The following KATNA1 variants were observed in gnomAD, a reference collection of about 807,000 sequenced individuals.
KATNA1 encodes katanin catalytic subunit A1, also known as katanin p60 ATPase-containing subunit A1.
In KATNA1, 42 loss-of-function variants were observed where a neutral mutation model predicts 62.6. The observed-to-expected ratio is 0.67, with a 90% CI of 0.52 to 0.87. The LOEUF (loss-of-function observed/expected upper bound fraction) is 0.87, where lower values mean the gene tolerates loss of function less well. Ranked by LOEUF, KATNA1 falls within the 40% of genes least tolerant of loss-of-function variation. The pLI is 0.00. For synonymous variants in KATNA1, 186 were observed against 201.9 expected (o/e 0.92, Z 0.67); for missense variants, 498 against 612.5 (o/e 0.81, Z 1.97).
At chr6:149,610,359 G>A (rs1012659818) in intron 4 of KATNA1, among the ~76,000 whole-genome samples, 9 of 149,654 alleles carry the variant, frequency 6.0e-5, no homozygotes, top group African/African-American at 2.2e-4. Context: ...CAAAGGATCC[G>A]ACAGACATTT....
At chr6:149,631,970 G>A (rs937044993) in intron 3 of KATNA1, among the ~76,000 whole-genome samples, 2 of 152,048 alleles carry the variant, frequency 1.3e-5, no homozygotes, top group African/African-American at 2.4e-5. Flanking sequence ...GAATTAAAAA[G>A]CCAATTTTTT....
chr6:149,618,634 C>T (rs1028005600), intron 4 of KATNA1, among the ~76,000 whole-genome samples: 1 of 152,132 alleles, frequency 6.6e-6, no homozygotes, highest in Non-Finnish European at 1.5e-5. Context: ...TAAAAACAGA[C>T]ATACAGACCA....
chr6:149,613,381 G>A (rs1779043319), intron 4 of KATNA1, among the ~76,000 whole-genome samples: 1 of 151,486 alleles, frequency 6.6e-6, no homozygotes, highest in Non-Finnish European at 1.5e-5. Context: ...AATGCAATAA[G>A]GTAAGAAGAG....
intron 1 of KATNA1, among the ~76,000 whole-genome samples, chr6:149,645,871 G>A (rs1780466780): frequency 6.6e-6 from 1 of 151,806 alleles, no homozygotes; most frequent in African/African-American, 2.4e-5. Context: ...TCTCCACAGA[G>A]AAAGTTTTTT....
chr6:149,614,622 A>C (rs1582772799), intron 4 of KATNA1, among the ~76,000 whole-genome samples: 1 of 152,176 alleles, frequency 6.6e-6, no homozygotes, highest in East Asian at 1.9e-4. Context: ...AAAGATGAAA[A>C]CATCAGCCAA....
chr6:149,598,465 C>T, intron 7 of KATNA1, 115 bp from the exon 8 acceptor site: 1 of 981,170 alleles, frequency 1.0e-6, no homozygotes, highest in South Asian at 1.6e-5. Flanking sequence ...TGGCTCACAC[C>T]TGTAATCCCA....
At chr6:149,621,388 T>C (rs763301546) in intron 4 of KATNA1, among the ~76,000 whole-genome samples, 1 of 151,956 alleles carries the variant, frequency 6.6e-6, no homozygotes, top group African/African-American at 2.4e-5. Flanking sequence ...CCTCCCAAAG[T>C]GCTGGGATTA....
At chr6:149,598,043 G>A (rs1005979063) in intron 8 of KATNA1, 181 bp downstream of exon 8, 1 of 612,250 alleles carries the variant, frequency 1.6e-6, no homozygotes. Flanking sequence ...CACTGTCAGT[G>A]TACCAAATCT....
chr6:149,609,084 C>T, intron 4 of KATNA1, among the ~76,000 whole-genome samples: 1 of 152,198 alleles, frequency 6.6e-6, no homozygotes, highest in East Asian at 1.9e-4. Flanking sequence ...ACCAAAATGA[C>T]AGTGATGTTA....
chr6:149,619,786 T>C (rs1436623059), intron 4 of KATNA1, among the ~76,000 whole-genome samples: 1 of 152,182 alleles, frequency 6.6e-6, no homozygotes, highest in African/African-American at 2.4e-5. Context: ...GACATATTCA[T>C]TTCCCTTCCT....
In KATNA1 at chr6:149,595,228, C is replaced by T. The variant is rs750453853; in HGVS notation, c.1284G>A (p.Ala428=). Reference sequence around the variant, plus strand: ...TGCGCCTTCTCATTGCCATCAAGGACGCATCCCTAGGTTTTAAGTTAAAAA... The same window carrying T: ...TGCGCCTTCTCATTGCCATCAAGGATGCATCCCTAGGTTTTAAGTTAAAAA... ...GADITNVCRD[A]SLMAMRRRIE... The change falls in exon 11 of 11, where the codon GCG becomes GCA. Residue 428 remains alanine, a synonymous_variant. Coordinates refer to ENST00000367411, the MANE Select transcript of KATNA1 (RefSeq NM_007044.4). 1.9e-5 allele frequency: 30 copies of T among 1,613,098 alleles called. No individual in the cohort carries two copies. The East Asian group carries it at 4.0e-4, about 22-fold the overall frequency.
intron 4 of KATNA1, among the ~76,000 whole-genome samples, chr6:149,605,406 A>G (rs1207352085): frequency 6.6e-6 from 1 of 152,218 alleles, no homozygotes; most frequent in Non-Finnish European, 1.5e-5. Flanking sequence ...AGATAAGATT[A>G]AAGACAGATG....
intron 7 of KATNA1, among the ~76,000 whole-genome samples, chr6:149,600,807 T>C (rs1354298786): frequency 6.9e-6 from 1 of 144,824 alleles, no homozygotes; most frequent in African/African-American, 2.5e-5. Context: ...CTGAGTGTGG[T>C]GGCTCATGTC....
At chr6:149,637,509 C>A (rs776819840) in intron 2 of KATNA1, among the ~76,000 whole-genome samples, 1 of 152,022 alleles carries the variant, frequency 6.6e-6, no homozygotes, top group Non-Finnish European at 1.5e-5. Flanking sequence ...AAAATCTGAT[C>A]AAAAAATGTC....
At chr6:149,604,975 C>T (rs560881106) in intron 4 of KATNA1, among the ~76,000 whole-genome samples, 193 bp from the exon 5 acceptor site, 131 of 152,156 alleles carry the variant, frequency 8.6e-4, no homozygotes, top group Non-Finnish European at 1.3e-3. Context: ...GAAATCGAGA[C>T]CATCCTGGCT....
intron 8 of KATNA1, chr6:149,598,020 T>A (rs77261077): frequency 9.1e-6 from 5 of 551,140 alleles, no homozygotes; most frequent in Non-Finnish European, 1.6e-5. Flanking sequence ...GGCCATTAAT[T>A]CTGACTTGTC....
intron 4 of KATNA1, among the ~76,000 whole-genome samples, chr6:149,617,989 AAT>A (rs1209706203): frequency 7.1e-6 from 1 of 141,690 alleles, no homozygotes; most frequent in African/African-American, 2.6e-5. Flanking sequence ...TAAATAAATA[AAT>A]ATATATATAT....
At chr6:149,633,176 C>A (rs1562298801) in intron 2 of KATNA1, among the ~76,000 whole-genome samples, 1 of 142,678 alleles carries the variant, frequency 7.0e-6, no homozygotes, top group Non-Finnish European at 1.5e-5. Context: ...TGATCACTCT[C>A]GGCTCATTGC....
intron 7 of KATNA1, among the ~76,000 whole-genome samples, chr6:149,599,439 G>A (rs73006829): frequency 1.4e-4 from 22 of 152,308 alleles, no homozygotes; most frequent in Non-Finnish European, 2.2e-4. Context: ...GAAAGGCTAT[G>A]TGTCCTGGGT....
Sources: allele counts gnomAD v4.1 joint callset (sites outside exome capture counted in the v4.1 genomes callset), GRCh38; gene constraint gnomAD v4.1.1; transcripts MANE v1.5; gene names NCBI Gene and HGNC (gene_info 2026-07-23, HGNC 2026-07-21).